The following SPAG1 variants were observed in gnomAD, a reference collection of about 807,000 sequenced individuals.
SPAG1 encodes sperm-associated antigen 1.
In SPAG1, 69 loss-of-function variants were observed where a neutral mutation model predicts 100.5. The observed-to-expected ratio is 0.69, with a 90% CI of 0.57 to 0.84. The LOEUF is 0.84. Among genes scored for constraint, SPAG1 ranks in the 40% least tolerant of loss-of-function variants. SPAG1 has a pLI of 0.00. For missense variants in SPAG1, 955 were observed against 1,133.1 expected, an observed-to-expected ratio of 0.84 and a Z score of 2.26; for synonymous variants, 336 against 411.6, an observed-to-expected ratio of 0.82 and a Z score of 2.22.
chr8:100,204,968 T>C (rs1586476124), intron 10 of SPAG1, among the ~76,000 whole-genome samples: 2 of 152,158 alleles, frequency 1.3e-5, no homozygotes, highest in African/African-American at 4.8e-5. Flanking sequence ...GCAATCAGAA[T>C]AGTCTGACTC....
intron 2 of SPAG1, among the ~76,000 whole-genome samples, chr8:100,163,043 A>C (rs1181883519): frequency 6.6e-6 from 1 of 152,170 alleles, no homozygotes; most frequent in Non-Finnish European, 1.5e-5. Context: ...GCACTTTCCC[A>C]CTTCATATCA....
chr8:100,221,315 AG>A (rs1818269337), intron 13 of SPAG1, among the ~76,000 whole-genome samples: 1 of 152,178 alleles, frequency 6.6e-6, no homozygotes, highest in African/African-American at 2.4e-5. Context: ...TAGGATGAAT[AG>A]TAATTTATAA....
rs551243230 is a variant in SPAG1, at chr8:100,187,487, A to C, written c.832+237A>C. 1.4e-3 allele frequency among the ~76,000 whole-genome samples: 214 copies of C among 152,250 alleles called. 8 individuals carry two copies. The South Asian group carries it at 0.042, about 30-fold the overall frequency. Reference sequence around the variant, plus strand: ...TTAATAAAATACATATATATTTTAAAGAAGTATCTCAATAAACAAAAAACC... The same window carrying C: ...TTAATAAAATACATATATATTTTAACGAAGTATCTCAATAAACAAAAAACC... On this transcript the variant is annotated intron_variant, in intron 8 of 18. Coordinates refer to ENST00000388798, the MANE Select transcript of SPAG1 (RefSeq NM_003114.5).
chr8:100,169,273 G>T (rs2980535), intron 3 of SPAG1, among the ~76,000 whole-genome samples: 47,573 of 151,980 alleles, frequency 0.31, 8,268 homozygotes, highest in East Asian at 0.51. Context: ...GTTGACCAAA[G>T]CTGGGTGTGG....
At chr8:100,174,532 T>C (rs1211898582) in intron 3 of SPAG1, among the ~76,000 whole-genome samples, 3 of 152,186 alleles carry the variant, frequency 2.0e-5, no homozygotes, top group African/African-American at 7.2e-5. Flanking sequence ...TGTCTGACTT[T>C]TGCTTTTTCA....
Position 100,194,266 on chromosome 8 carries a change from A to G in SPAG1, c.1094A>G (p.Lys365Arg), listed in dbSNP as rs756779888. 2.5e-6 allele frequency: 4 copies of G among 1,607,744 alleles called. No individual in the cohort carries two copies. The highest frequency in any genetic ancestry group is 2.6e-6 in the Non-Finnish European group (3 of 1,175,108). Residue 365 changes from lysine (K) to arginine (R), a missense_variant and splice_region_variant, in exon 10 of 19, where the codon AAG becomes AGG. Coordinates refer to ENST00000388798, the MANE Select transcript of SPAG1 (RefSeq NM_003114.5). Reference protein sequence around the residue: ...GRKHEDGGGDKKPAEPAGAAR... With the variant: ...GRKHEDGGGDRKPAEPAGAAR... ...AAACATGAAGATGGCGGTGGAGATA[A>G]GAGTAAAATATTTTTTCTATTTAGG...
At position 100,239,455 on chromosome 8, in the gene SPAG1, G is replaced by A; in HGVS notation, c.2280+51G>A. The A allele has an allele frequency of 9.1e-7, 1 of 1,101,926 alleles. No homozygotes were observed. The highest frequency in any genetic ancestry group is 1.3e-5 in the South Asian group (1 of 75,512). The allele number at this position is 1,101,926 out of a possible 1,614,324, so 68.3% of individuals were successfully genotyped here. A position where few individuals can be genotyped will look rare whatever the true frequency, so the allele number is the denominator to read the frequency against. On this transcript the variant is annotated intron_variant, in intron 17 of 18. Coordinates refer to ENST00000388798, the MANE Select transcript of SPAG1 (RefSeq NM_003114.5). This position sits in a 1 kb window ranked among gnomAD's most constrained non-coding sequence, Gnocchi z 5.0. ...AGTACTCCTTTGGGGACCTTAGACTGGATTCTAAGGTCATATTCCTGTGAG... is the reference window on the plus strand; with the variant it reads ...AGTACTCCTTTGGGGACCTTAGACTAGATTCTAAGGTCATATTCCTGTGAG...
intron 1 of SPAG1, among the ~76,000 whole-genome samples, chr8:100,159,949 G>T (rs1815233123): frequency 6.6e-6 from 1 of 152,092 alleles, no homozygotes; most frequent in African/African-American, 2.4e-5. Flanking sequence ...TGAAGATTAG[G>T]TGAGATAAGC....
rs371682045 is a variant in SPAG1, at chr8:100,184,864, T to C, written c.701+131T>C. On this transcript the variant is annotated intron_variant, in intron 7 of 18. Transcript: ENST00000388798. The stretch of plus-strand genomic sequence containing the variant: ...TGTATTGTACTTGTGATTTATCATA[T>C]ATTCACTTGTGTTTCTCCTATTTTT... 3 of 599,006 alleles carry C rather than the reference T, an allele frequency of 5.0e-6. No homozygotes were observed. In the African/African-American group the frequency reaches 6.0e-5, roughly 12 times the overall value. 37.1% of individuals were successfully genotyped at this position (599,006 alleles called of 1,614,324 possible). A position where few individuals can be genotyped will look rare whatever the true frequency, so the allele number is the denominator to read the frequency against.
At chr8:100,205,945 G>A (rs2132326740) in intron 10 of SPAG1, among the ~76,000 whole-genome samples, 1 of 145,966 alleles carries the variant, frequency 6.9e-6, no homozygotes, top group Middle Eastern at 3.7e-3. Flanking sequence ...CTTGAACCTG[G>A]GAGGCAGAGG....
chr8:100,225,430 C>A, intron 14 of SPAG1, 91 bp downstream of exon 14: 1 of 1,185,400 alleles, frequency 8.4e-7, no homozygotes, highest in Admixed American at 2.2e-5. Context: ...AGCATTAATT[C>A]TAGAATCAGA....
chr8:100,201,340 G>T (rs1452719740), intron 10 of SPAG1, among the ~76,000 whole-genome samples: 1 of 151,836 alleles, frequency 6.6e-6, no homozygotes, highest in Non-Finnish European at 1.5e-5. Flanking sequence ...ACTCAGGGTG[G>T]TCTTGAACCC....
intron 10 of SPAG1, among the ~76,000 whole-genome samples, chr8:100,194,881 C>T (rs962790322): frequency 7.2e-5 from 11 of 152,030 alleles, no homozygotes; most frequent in Non-Finnish European, 1.3e-4. Context: ...CTTTTCCCTC[C>T]GTCAGCTGGG....
chr8:100,189,351 C>T (rs1358732306), intron 8 of SPAG1, among the ~76,000 whole-genome samples: 2 of 152,106 alleles, frequency 1.3e-5, no homozygotes, highest in Non-Finnish European at 2.9e-5. Flanking sequence ...GTGGCAGGCA[C>T]CTGTAATCCC....
chr8:100,226,446 C>T (rs994801948), intron 14 of SPAG1, among the ~76,000 whole-genome samples: 1 of 152,160 alleles, frequency 6.6e-6, no homozygotes, highest in Non-Finnish European at 1.5e-5. Flanking sequence ...CAGTGGGTCA[C>T]TCCTGTAATC....
chr8:100,173,768 C>A (rs1815984343), intron 3 of SPAG1, among the ~76,000 whole-genome samples: 1 of 152,084 alleles, frequency 6.6e-6, no homozygotes, highest in Non-Finnish European at 1.5e-5. Flanking sequence ...AATCTTTATG[C>A]TAATGTATTA....
chr8:100,236,368 C>A (rs928744615), intron 16 of SPAG1, among the ~76,000 whole-genome samples: 1 of 152,108 alleles, frequency 6.6e-6, no homozygotes, highest in Admixed American at 6.5e-5. Flanking sequence ...GGTGTTAAAC[C>A]CCTGGCCTCA....
intron 12 of SPAG1, among the ~76,000 whole-genome samples, chr8:100,214,348 C>T (rs1817874592): frequency 6.6e-6 from 1 of 152,216 alleles, no homozygotes; most frequent in Admixed American, 6.5e-5. Flanking sequence ...TCCGTTTGGT[C>T]TACTGGACCA....
At chr8:100,231,947 G>C (rs1159158097) in intron 15 of SPAG1, among the ~76,000 whole-genome samples, 1 of 146,302 alleles carries the variant, frequency 6.8e-6, no homozygotes, top group African/African-American at 2.6e-5. Context: ...GGGTGAAAGA[G>C]CAAGACTCTG....
Sources: allele counts gnomAD v4.1 joint callset (sites outside exome capture counted in the v4.1 genomes callset), GRCh38; gene constraint gnomAD v4.1.1; non-coding constraint Gnocchi (gnomAD v3.1); transcripts MANE v1.5; gene names NCBI Gene and HGNC (gene_info 2026-07-23, HGNC 2026-07-21).